NCALD: variants seen among roughly 807,000 people sequenced by gnomAD.
NCALD encodes the protein neurocalcin-delta.
A neutral mutation model predicts 18.6 loss-of-function variants in NCALD; 10 were observed. The ratio of observed to expected loss-of-function variants is 0.54; its 90% CI spans 0.33 to 0.91. The LOEUF is 0.91. NCALD is among the 40% of genes least tolerant of loss of function. The probability of loss-of-function intolerance (pLI) is 0.03; values close to 1 mark genes in which losing one functional copy is unlikely to be tolerated. For missense variants in NCALD, 184 were observed against 247.6 expected (o/e 0.74, Z 1.72); for synonymous variants, 88 against 87.4 (o/e 1.01, Z -0.04).
At chr8:101,727,241 C>T (rs1816612452) in intron 1 of NCALD, among the ~76,000 whole-genome samples, 2 of 152,170 alleles carry the variant, frequency 1.3e-5, no homozygotes, top group Non-Finnish European at 1.5e-5. Context: ...CATTTTTGTT[C>T]CATCAGCAAG....
chr8:101,950,070 T>C (rs562010534), intron 2 of NCALD, among the ~76,000 whole-genome samples: 1 of 152,178 alleles, frequency 6.6e-6, no homozygotes, highest in Non-Finnish European at 1.5e-5. Flanking sequence ...AGAGCCAGGT[T>C]GACAGGATGA....
chr8:102,064,126 G>A lies in NCALD; in HGVS notation c.-209-43837C>T, dbSNP rs1360445463. On this transcript the variant is annotated intron_variant, in intron 1 of 6. Coordinates refer to the NCALD transcript ENST00000311028. ...ACCTCAAACAAGGCAATGATTACAC[G>A]AACAAATGCAACTGTGTTTGCCTTC... Among the ~76,000 whole-genome samples, 9 of 152,242 alleles carry A rather than the reference G, an allele frequency of 5.9e-5. No individual in the cohort carries two copies. The South Asian group carries it at 1.0e-3, about 18-fold the overall frequency.
chr8:102,093,280 ACTGT>A (rs1824985534), intron 1 of NCALD, among the ~76,000 whole-genome samples: 1 of 152,192 alleles, frequency 6.6e-6, no homozygotes, highest in Non-Finnish European at 1.5e-5. Context: ...TTTAAGAGTG[ACTGT>A]TTTGGGGTCT....
At chr8:101,834,983 A>C (rs1330228844) in intron 4 of NCALD, among the ~76,000 whole-genome samples, 1 of 152,164 alleles carries the variant, frequency 6.6e-6, no homozygotes. Flanking sequence ...TAGACAAGTC[A>C]CCTCACTTCT....
At chr8:102,093,631 C>A (rs1174532519) in intron 1 of NCALD, among the ~76,000 whole-genome samples, 1 of 152,160 alleles carries the variant, frequency 6.6e-6, no homozygotes, top group Non-Finnish European at 1.5e-5. Flanking sequence ...GGCTTGAGCT[C>A]CAAAAGCCAT....
intron 2 of NCALD, among the ~76,000 whole-genome samples, chr8:101,697,365 T>G (rs1024786598): frequency 6.6e-6 from 1 of 152,104 alleles, no homozygotes; most frequent in Non-Finnish European, 1.5e-5. Context: ...CTACCAGAGA[T>G]ACAAAGGGGA....
At chr8:101,857,141 A>G (rs1404646634) in intron 4 of NCALD, among the ~76,000 whole-genome samples, 2 of 152,232 alleles carry the variant, frequency 1.3e-5, no homozygotes, top group East Asian at 3.8e-4. Flanking sequence ...GTTGTATAAT[A>G]GAAACATAGT....
chr8:101,885,570 C>T (rs1159705407), intron 4 of NCALD, among the ~76,000 whole-genome samples: 1 of 152,186 alleles, frequency 6.6e-6, no homozygotes, highest in Non-Finnish European at 1.5e-5. Flanking sequence ...TCCAAATCAT[C>T]CTCGTTTGGG....
At chr8:102,107,658 C>T (rs1825517195) in intron 1 of NCALD, among the ~76,000 whole-genome samples, 2 of 152,084 alleles carry the variant, frequency 1.3e-5, no homozygotes, top group Admixed American at 6.5e-5. Context: ...ACAAGCTGAT[C>T]GTGTCCTAAG....
intron 3 of NCALD, among the ~76,000 whole-genome samples, chr8:101,913,447 A>G (rs1817870443): frequency 6.6e-6 from 1 of 152,246 alleles, no homozygotes; most frequent in Non-Finnish European, 1.5e-5. Flanking sequence ...ACACAAATGA[A>G]TCAGACTCAA....
intron 1 of NCALD, among the ~76,000 whole-genome samples, chr8:102,080,349 T>C (rs1326929032): frequency 6.6e-6 from 1 of 152,236 alleles, no homozygotes; most frequent in East Asian, 1.9e-4. Context: ...AAGACTGGCC[T>C]GCAGAATTAC....
intron 4 of NCALD, among the ~76,000 whole-genome samples, chr8:101,829,162 A>AT (rs150811388): frequency 2.0e-5 from 3 of 152,050 alleles, no homozygotes; most frequent in Non-Finnish European, 4.4e-5. Flanking sequence ...CAGTGCTAGT[A>AT]TTTTTTTCAC....
chr8:101,704,277 A>G (rs1815407245), intron 2 of NCALD, among the ~76,000 whole-genome samples: 1 of 152,218 alleles, frequency 6.6e-6, no homozygotes, highest in South Asian at 2.1e-4. Context: ...GGAGTGGTTC[A>G]TGATTAGAAA....
At chr8:101,862,113 T>C (rs1815567828) in intron 4 of NCALD, among the ~76,000 whole-genome samples, 2 of 152,244 alleles carry the variant, frequency 1.3e-5, no homozygotes, top group Admixed American at 1.3e-4. Flanking sequence ...ATGTACATGT[T>C]TTGAACTGTC....
chr8:101,980,086 A>G (rs979702322), intron 2 of NCALD, among the ~76,000 whole-genome samples: 6 of 152,138 alleles, frequency 3.9e-5, no homozygotes, highest in African/African-American at 1.4e-4. Flanking sequence ...GGTTGATTCC[A>G]CATCAGCCTT....
At chr8:102,045,700 C>T (rs76234508) in intron 1 of NCALD, among the ~76,000 whole-genome samples, 9,790 of 152,146 alleles carry the variant, frequency 0.064, 347 homozygotes, top group Non-Finnish European at 0.083. Context: ...TGCCCATACA[C>T]GTATATTTAA....
rs115353774 is a variant in NCALD at position 101,991,950 on chromosome 8, C to G, written c.-157+28287G>C. ...CCATGTCACTTGTCAACAATTCCAG[C>G]ACAGCTAGTTTTTTCTTCTGATATT... On this transcript the variant is annotated intron_variant, in intron 2 of 6. Transcript: ENST00000311028. 8.0e-3 allele frequency among the ~76,000 whole-genome samples: 1,214 copies of G among 152,300 alleles called. 13 individuals carry two copies. The highest frequency in any genetic ancestry group is 0.025 in the African/African-American group (1,019 of 41,554).
chr8:102,031,903 G>A (rs112900716), intron 1 of NCALD, among the ~76,000 whole-genome samples: 9,316 of 152,244 alleles, frequency 0.061, 425 homozygotes, highest in Non-Finnish European at 0.096. Context: ...AGGGGATTGT[G>A]TACAAGCCTA....
intron 2 of NCALD, among the ~76,000 whole-genome samples, chr8:101,716,549 A>G (rs1406433430): frequency 1.3e-5 from 2 of 152,216 alleles, no homozygotes; most frequent in African/African-American, 4.8e-5. Flanking sequence ...ATAAATCTGC[A>G]TATGGTTTTG....
Sources: gnomAD v4.1 joint callset for allele counts (sites outside exome capture counted in the v4.1 genomes callset) on GRCh38, gnomAD v4.1.1 for gene constraint, MANE v1.5 for transcripts, NCBI Gene and HGNC (gene_info 2026-07-23, HGNC 2026-07-21) for gene names.